ZNF423: variants seen among roughly 807,000 people sequenced by gnomAD.
The protein encoded by ZNF423 is Ebf-associated zinc finger protein.
Under a neutral mutation model 95.8 loss-of-function variants are expected in ZNF423, and 12 were observed. The observed-to-expected ratio is 0.13, with a 90% CI of 0.08 to 0.20. The LOEUF (loss-of-function observed/expected upper bound fraction) is 0.20. Ranked by LOEUF, ZNF423 falls within the 10% of genes least tolerant of loss-of-function variation. ZNF423 has a pLI of 1.00. For missense variants in ZNF423, 1,316 were observed against 1,737.1 expected, an observed-to-expected ratio of 0.76 and a Z score of 4.31; for synonymous variants, 749 against 711.9, an observed-to-expected ratio of 1.05 and a Z score of -0.83.
In ZNF423 at chr16:49,734,273, G is replaced by C. The variant is rs112860833; in HGVS notation, c.101-3302C>G. On this transcript the variant is annotated intron_variant, in intron 2 of 7. Coordinates refer to ENST00000563137, the MANE Select transcript of ZNF423 (RefSeq NM_001379286.1). Reference sequence around the variant, plus strand: ...CTGTGTGCTGCTCTGTCCAGCCCCAGAGGCCCCTCAACTGGTCCCTGTCCT... The same window carrying C: ...CTGTGTGCTGCTCTGTCCAGCCCCACAGGCCCCTCAACTGGTCCCTGTCCT... Among the ~76,000 whole-genome samples, 4 of 152,322 alleles carry C rather than the reference G, an allele frequency of 2.6e-5. 1 individual carries two copies. Among genetic ancestry groups the C allele is most frequent in the African/African-American group, 9.6e-5 (4 of 41,578 alleles).
At chr16:49,655,858 C>G (rs568851197) in intron 3 of ZNF423, among the ~76,000 whole-genome samples, 1 of 152,312 alleles carries the variant, frequency 6.6e-6, no homozygotes, top group Admixed American at 6.5e-5. Context: ...TATTTTTCTT[C>G]CACAAACCCA....
chr16:49,803,752 A>C (rs1219183844), intron 1 of ZNF423, among the ~76,000 whole-genome samples: 1 of 151,914 alleles, frequency 6.6e-6, no homozygotes, highest in African/African-American at 2.4e-5. Flanking sequence ...GAGGTTGCTA[A>C]ATGCATCCCA....
At chr16:49,696,998 A>ACAGGGAATC (rs1278681135) in intron 3 of ZNF423, among the ~76,000 whole-genome samples, 4 of 152,176 alleles carry the variant, frequency 2.6e-5, no homozygotes, top group Admixed American at 6.5e-5. Context: ...GACAAAGCTC[A>ACAGGGAATC]CAGGGAATCG....
intron 3 of ZNF423, among the ~76,000 whole-genome samples, chr16:49,715,342 A>G (rs2032672402): frequency 6.6e-6 from 1 of 152,198 alleles, no homozygotes; most frequent in Non-Finnish European, 1.5e-5. Context: ...GAGACACAGA[A>G]GGAAGTGAGA....
intron 3 of ZNF423, among the ~76,000 whole-genome samples, chr16:49,669,839 A>G (rs763996503): frequency 2.0e-5 from 3 of 151,548 alleles, no homozygotes; most frequent in Non-Finnish European, 4.4e-5. Flanking sequence ...CTTCTACTCT[A>G]CTCCAAGCCT....
Position 49,488,172 on chromosome 16 carries a change from C to T in ZNF423, c.*3103G>A, listed in dbSNP as rs1169675131. The T allele has an allele frequency of 6.6e-6, 1 of 152,186 alleles. No individual in the cohort carries two copies. Among genetic ancestry groups the T allele is most frequent in the Admixed American group, 6.5e-5 (1 of 15,286 alleles). 9.4% of individuals were successfully genotyped at this position (152,186 alleles called of 1,614,324 possible). A position where few individuals can be genotyped will look rare whatever the true frequency, so the allele number is the denominator to read the frequency against. ...ATATTTATAGGTACAGGTTCCATCC[C>T]TAGGAACACACACCTTAGGAGGGAA... is the stretch of plus-strand genomic sequence containing the variant. On this transcript the variant is annotated 3_prime_UTR_variant, in exon 8 of 8. Coordinates refer to ENST00000563137, the MANE Select transcript of ZNF423 (RefSeq NM_001379286.1).
intron 1 of ZNF423, among the ~76,000 whole-genome samples, chr16:49,809,358 T>G (rs1488716362): frequency 1.3e-5 from 2 of 152,154 alleles, no homozygotes; most frequent in Admixed American, 6.5e-5. Context: ...CAAAGCGGCA[T>G]AGGCTGCAGT....
chr16:49,778,813 C>T (rs985991157), intron 2 of ZNF423, among the ~76,000 whole-genome samples: 4 of 152,210 alleles, frequency 2.6e-5, no homozygotes, highest in Non-Finnish European at 5.9e-5. Flanking sequence ...TGGCACTTCC[C>T]TCCACATGGT....
At chr16:49,713,858 C>T (rs1318416048) in intron 3 of ZNF423, among the ~76,000 whole-genome samples, 2 of 152,134 alleles carry the variant, frequency 1.3e-5, no homozygotes, top group East Asian at 1.9e-4. Flanking sequence ...AGAATGTGGG[C>T]GAAGAGGGAA....
chr16:49,531,816 C>T (rs1253364538), intron 5 of ZNF423, among the ~76,000 whole-genome samples: 1 of 152,130 alleles, frequency 6.6e-6, no homozygotes, highest in Non-Finnish European at 1.5e-5. Context: ...AGCCCCAACA[C>T]CCCCAGCTCT....
chr16:49,766,787 T>G (rs1241171532), intron 2 of ZNF423, among the ~76,000 whole-genome samples: 1 of 152,158 alleles, frequency 6.6e-6, no homozygotes, highest in Non-Finnish European at 1.5e-5. Context: ...CAGCACTATC[T>G]CCTTTCTCAC....
At chr16:49,832,372 C>A (rs1457283938) in intron 1 of ZNF423, among the ~76,000 whole-genome samples, 1 of 152,154 alleles carries the variant, frequency 6.6e-6, no homozygotes, top group Non-Finnish European at 1.5e-5. Context: ...GAGGAAAAGG[C>A]CAGGAATGTT....
chr16:49,559,094 T>A (rs1013716535), intron 5 of ZNF423, among the ~76,000 whole-genome samples: 9 of 152,158 alleles, frequency 5.9e-5, no homozygotes, highest in African/African-American at 2.2e-4. Flanking sequence ...CTTCTCACCA[T>A]CCCCTGGACT....
intron 3 of ZNF423, among the ~76,000 whole-genome samples, chr16:49,677,320 AGGGAGGGGAG>A (rs1239870003): frequency 2.0e-5 from 1 of 50,330 alleles, no homozygotes; most frequent in African/African-American, 8.6e-5. Context: ...AAGGAGGGGA[AGGGAGGGGAG>A]GGGAGGGGAG....
intron 1 of ZNF423, among the ~76,000 whole-genome samples, chr16:49,808,779 A>C (rs1182527654): frequency 6.6e-6 from 1 of 152,172 alleles, no homozygotes; most frequent in Non-Finnish European, 1.5e-5. Flanking sequence ...GGTGGAAATC[A>C]CGACAAGTGT....
intron 3 of ZNF423, among the ~76,000 whole-genome samples, chr16:49,672,711 G>A (rs142906326): frequency 0.011 from 1,727 of 152,238 alleles, 28 homozygotes; most frequent in African/African-American, 0.04. Context: ...AGCTACTCGC[G>A]AGGCTGAGGC....
chr16:49,744,727 G>A (rs993951913), intron 2 of ZNF423, among the ~76,000 whole-genome samples: 4 of 152,146 alleles, frequency 2.6e-5, no homozygotes, highest in African/African-American at 4.8e-5. Context: ...CAAGTGAACC[G>A]CACCAAGGAA....
Position 49,735,212 on chromosome 16 carries a change from C to A in ZNF423, c.101-4241G>T, listed in dbSNP as rs116893108. Among the ~76,000 whole-genome samples, 444 of 152,254 alleles carry A rather than the reference C, an allele frequency of 2.9e-3. 8 individuals are homozygous for A. In the East Asian group the frequency reaches 0.048, roughly 16 times the overall value. On this transcript the variant is annotated intron_variant, in intron 2 of 7. Transcript: ENST00000563137. The stretch of plus-strand genomic sequence containing the variant: ...CTTTCAACCCCATAAACTTCCAAGT[C>A]TCTTTGGTCCAGGGCTTCCCACTCC...
At chr16:49,845,886 G>C (rs2035240162) in intron 1 of ZNF423, among the ~76,000 whole-genome samples, 1 of 152,080 alleles carries the variant, frequency 6.6e-6, no homozygotes, top group South Asian at 2.1e-4. Context: ...TGGAAGCCCA[G>C]CAGGCTGCTG....
Sources: allele counts gnomAD v4.1 joint callset (sites outside exome capture counted in the v4.1 genomes callset), GRCh38; gene constraint gnomAD v4.1.1; transcripts MANE v1.5; gene names NCBI Gene and HGNC (gene_info 2026-07-23, HGNC 2026-07-21).